PRDM9: variants seen among roughly 807,000 people sequenced by gnomAD.
PRDM9 encodes the protein histone-lysine N-methyltransferase PRDM9.
In PRDM9, 47 loss-of-function variants were observed where a neutral mutation model predicts 55.6. That is an observed-to-expected ratio of 0.85 (90% confidence interval 0.67 to 1.08). The LOEUF is 1.08. Ranked by LOEUF, PRDM9 falls within the 50% of genes least tolerant of loss-of-function variation. The pLI is 0.00. For synonymous variants in PRDM9, 312 were observed against 375.7 expected (o/e 0.83, Z 1.96); for missense variants, 867 against 1,040.3 (o/e 0.83, Z 2.29).
chr5:23,508,054 C>T (rs1561015607), intron 1 of PRDM9, among the ~76,000 whole-genome samples: 1 of 151,828 alleles, frequency 6.6e-6, no homozygotes, highest in Non-Finnish European at 1.5e-5. Context: ...CTCAGATAAC[C>T]TAAATAGCCT....
At chr5:23,518,199 A>G (rs1172245852) in intron 5 of PRDM9, among the ~76,000 whole-genome samples, 1 of 152,212 alleles carries the variant, frequency 6.6e-6, no homozygotes, top group Admixed American at 6.5e-5. Context: ...TCAACTTTAT[A>G]TATAGTACCT....
chr5:23,509,290 T>C (rs1739041621), intron 2 of PRDM9, among the ~76,000 whole-genome samples, 180 bp from the exon 3 acceptor site: 1 of 152,054 alleles, frequency 6.6e-6, no homozygotes, highest in African/African-American at 2.4e-5. Flanking sequence ...AGCAGAGAGC[T>C]AGGAAAATGC....
chr5:23,517,508 C>G (rs368242561), intron 4 of PRDM9, among the ~76,000 whole-genome samples: 6 of 151,910 alleles, frequency 3.9e-5, no homozygotes, highest in Non-Finnish European at 8.8e-5. Context: ...GAGTTAGGCC[C>G]GGCATGGTGG....
chr5:23,526,300 T>G lies in PRDM9; in HGVS notation c.1212T>G (p.Ser404Arg), dbSNP rs1335235909. The G allele has an allele frequency of 1.9e-6, 3 of 1,614,080 alleles. No homozygotes were observed. The highest frequency in any genetic ancestry group is 2.2e-5 in the East Asian group (1 of 44,854). Residue 404 changes from serine to arginine, a missense_variant, in exon 11 of 11, where the codon AGT (serine) becomes AGG (arginine). Physicochemically the swap from Ser to Arg is moderately radical, Grantham distance 110. Around this residue, in one of 5 missense-constraint regions of PRDM9, gnomAD observed 662 missense variants for 711.9 expected, o/e 0.93. Transcript: ENST00000296682. ...CLAFSSQKFL[S>R]QHVERNHSSQ... ...CCTTTTCAAGTCAGAAATTTCTCAG[T>G]CAACATGTAGAACGCAATCACTCCT...
intron 4 of PRDM9, among the ~76,000 whole-genome samples, chr5:23,512,337 C>T (rs1739114962): frequency 6.6e-6 from 1 of 152,090 alleles, no homozygotes; most frequent in Non-Finnish European, 1.5e-5. Context: ...CTCATTTCCT[C>T]TTCTACTGCT....
chr5:23,509,570 A>G lies in PRDM9; in HGVS notation c.170A>G (p.Asn57Ser). The G allele has an allele frequency of 1.2e-6, 2 of 1,614,204 alleles. No individual in the cohort carries two copies. Among genetic ancestry groups the G allele is most frequent in the Non-Finnish European group, 1.7e-6 (2 of 1,180,040 alleles). Reference sequence around the variant, plus strand: ...ACTCGCTATAGGAATGTGAAAAGGAACTATAATGCACTGATTACTATAGGT... The same window carrying G: ...ACTCGCTATAGGAATGTGAAAAGGAGCTATAATGCACTGATTACTATAGGT... ...EKTRYRNVKR[N>S]YNALITIGLR... The change falls in exon 3 of 11, where the codon AAC (asparagine) becomes AGC (serine). Residue 57 changes from asparagine to serine, a missense_variant. Physicochemically the swap from Asn to Ser is conservative, Grantham distance 46 (BLOSUM62 1). Coordinates refer to ENST00000296682, the MANE Select transcript of PRDM9 (RefSeq NM_020227.4).
chr5:23,519,102 C>T (rs1169057887), intron 5 of PRDM9, among the ~76,000 whole-genome samples: 1 of 152,112 alleles, frequency 6.6e-6, no homozygotes, highest in Non-Finnish European at 1.5e-5. Flanking sequence ...CTCTTTCGCC[C>T]AGGCTGGAGT....
chr5:23,509,688 C>G, intron 3 of PRDM9, 95 bp downstream of exon 3: 1 of 1,594,000 alleles, frequency 6.3e-7, no homozygotes, highest in Non-Finnish European at 8.6e-7. Context: ...GGCATCTGCC[C>G]ACAATTCCCT....
chr5:23,527,054 A>T lies in PRDM9; in HGVS notation c.1966A>T (p.Arg656Trp). 1 of 698,406 alleles carries T rather than the reference A, an allele frequency of 1.4e-6. No individual in the cohort carries two copies. The highest frequency in any genetic ancestry group is 2.4e-6 in the Non-Finnish European group (1 of 425,470). The allele number at this position is 698,406 out of a possible 1,614,324, so 43.3% of individuals were successfully genotyped here. A position where few individuals can be genotyped will look rare whatever the true frequency, so the allele number is the denominator to read the frequency against. The change falls in exon 11 of 11, where the codon AGG becomes TGG. Residue 656 changes from arginine (R) to tryptophan (W), a missense_variant. By Grantham distance (101) the Arg-to-Trp change is moderately radical. Coordinates refer to ENST00000296682, the MANE Select transcript of PRDM9 (RefSeq NM_020227.4). The stretch of plus-strand genomic sequence containing the variant: ...GCAGTCAGTCCTCCTCACTCACCAG[A>T]GGAGACACACAGGGGAGAAGCCCTA... Reference protein sequence around the residue: ...SRQSVLLTHQRRHTGEKPYVC... With the variant: ...SRQSVLLTHQWRHTGEKPYVC...
At chr5:23,516,165 G>A (rs1739205147) in intron 4 of PRDM9, among the ~76,000 whole-genome samples, 1 of 152,084 alleles carries the variant, frequency 6.6e-6, no homozygotes, top group Non-Finnish European at 1.5e-5. Context: ...CCATTTATTT[G>A]TGTCTCCTTA....
At chr5:23,511,407 A>T (rs1204073773) in intron 4 of PRDM9, among the ~76,000 whole-genome samples, 1 of 152,074 alleles carries the variant, frequency 6.6e-6, no homozygotes. Context: ...GTGCAGTGGC[A>T]CAATATCAGC....
Position 23,528,075 on chromosome 5 carries a change from G to A in PRDM9, c.*302G>A, listed in dbSNP as rs977280341. The A allele has an allele frequency of 2.1e-6, 1 of 482,868 alleles. No homozygotes were observed. The highest frequency in any genetic ancestry group is 2.0e-5 in the African/African-American group (1 of 51,166). The allele number at this position is 482,868 out of a possible 1,614,324, so 29.9% of individuals were successfully genotyped here. ...TTTGCCTCCTGTTCTAATAAATTTT[G>A]TCTCCATACAAATCTGAACCCCAAG... On this transcript the variant is annotated 3_prime_UTR_variant, in exon 11 of 11. Coordinates refer to ENST00000296682, the MANE Select transcript of PRDM9 (RefSeq NM_020227.4).
Position 23,527,604 on chromosome 5 carries a change from G to A in PRDM9, c.2516G>A (p.Arg839Gln), listed in dbSNP as rs1267472661. 2.7e-6 allele frequency: 4 copies of A among 1,507,600 alleles called. No individual in the cohort carries two copies. The South Asian group carries it at 4.8e-5, about 18-fold the overall frequency. 93.4% of individuals were successfully genotyped at this position (1,507,600 alleles called of 1,614,324 possible). Residue 839 changes from arginine (R) to glutamine (Q), a missense_variant, in exon 11 of 11, where the codon CGG (arginine) becomes CAG (glutamine). Arg to Gln is a conservative substitution (Grantham distance 43, BLOSUM62 1). Coordinates refer to ENST00000296682, the MANE Select transcript of PRDM9 (RefSeq NM_020227.4). ...EKPYVCRECG[R>Q]GFRNKSHLLR... Reference sequence around the variant, plus strand: ...CCCTATGTCTGCAGGGAGTGTGGGCGGGGCTTTCGCAATAAGTCACACCTC... The same window carrying A: ...CCCTATGTCTGCAGGGAGTGTGGGCAGGGCTTTCGCAATAAGTCACACCTC...
intron 7 of PRDM9, 52 bp from the exon 8 acceptor site, chr5:23,522,562 A>C (rs2126427506): frequency 6.2e-7 from 1 of 1,612,688 alleles, no homozygotes; most frequent in East Asian, 2.2e-5. Flanking sequence ...AAGCTCTTAT[A>C]TCAAGGAACA....
At chr5:23,523,939 G>T (rs933770285) in intron 9 of PRDM9, among the ~76,000 whole-genome samples, 24 of 152,202 alleles carry the variant, frequency 1.6e-4, no homozygotes, top group Non-Finnish European at 3.2e-4. Context: ...GCTGAGTGTA[G>T]AATGATGTGC....
intron 9 of PRDM9, among the ~76,000 whole-genome samples, chr5:23,524,088 A>T (rs555711679): frequency 6.6e-6 from 1 of 152,294 alleles, no homozygotes; most frequent in Admixed American, 6.5e-5. Context: ...TTGGGCTTTG[A>T]AAAAATGGTT....
At chr5:23,512,812 A>G (rs1361299886) in intron 4 of PRDM9, among the ~76,000 whole-genome samples, 3 of 152,112 alleles carry the variant, frequency 2.0e-5, no homozygotes, top group East Asian at 3.9e-4. Flanking sequence ...GGCAACTGCA[A>G]TTCTGTTTCT....
chr5:23,524,479 G>A lies in PRDM9; in HGVS notation c.1096G>A (p.Gly366Ser). 6.2e-7 allele frequency: 1 copy of A among 1,613,914 alleles called. No homozygotes were observed. Among genetic ancestry groups the A allele is most frequent in the Non-Finnish European group, 8.5e-7 (1 of 1,179,880 alleles). Reference sequence around the variant, plus strand: ...TGGGGATGAATACGGCCAGGAACTGGGCATCAAGTGGGGCAGCAAGTGGAA... The same window carrying A: ...TGGGGATGAATACGGCCAGGAACTGAGCATCAAGTGGGGCAGCAAGTGGAA... Reference protein sequence around the residue: ...WYGDEYGQELGIKWGSKWKKE... With the variant: ...WYGDEYGQELSIKWGSKWKKE... The change falls in exon 10 of 11, where the codon GGC (glycine) becomes AGC (serine). Residue 366 changes from glycine to serine, a missense_variant. Gly to Ser is a moderately conservative substitution (Grantham distance 56). Around this residue, in one of 5 missense-constraint regions of PRDM9, gnomAD observed 662 missense variants for 711.9 expected, o/e 0.93. Coordinates refer to ENST00000296682, the MANE Select transcript of PRDM9 (RefSeq NM_020227.4).
Position 23,518,007 on chromosome 5 carries a change from A to C in PRDM9, c.351+77A>C. 9.9e-6 allele frequency: 13 copies of C among 1,316,618 alleles called. 1 individual carries two copies. Among genetic ancestry groups the C allele is most frequent in the Non-Finnish European group, 2.2e-6 (2 of 909,238 alleles). The allele number at this position is 1,316,618 out of a possible 1,614,324, so 81.6% of individuals were successfully genotyped here. ...CACAGGTAAGAGGAGGAGAATGTACAGACTATCATAGGAACTAATGCCTTC... is the reference window on the plus strand; with the variant it reads ...CACAGGTAAGAGGAGGAGAATGTACCGACTATCATAGGAACTAATGCCTTC... On this transcript the variant is annotated intron_variant, in intron 5 of 10. Coordinates refer to ENST00000296682, the MANE Select transcript of PRDM9 (RefSeq NM_020227.4).
Sources: allele counts gnomAD v4.1 joint callset (sites outside exome capture counted in the v4.1 genomes callset), GRCh38; gene constraint gnomAD v4.1.1; regional missense constraint gnomAD v4.1.1; transcripts MANE v1.5; gene names NCBI Gene and HGNC (gene_info 2026-07-23, HGNC 2026-07-21).